Variants in TMEM123 observed in about 807,000 individuals in gnomAD.
TMEM123 encodes the protein porimin.
A neutral mutation model predicts 19.7 loss-of-function variants in TMEM123; 16 were observed. The observed-to-expected ratio is 0.81, with a 90% CI of 0.55 to 1.23. The LOEUF (loss-of-function observed/expected upper bound fraction) is 1.23. TMEM123 is among the 50% of genes most tolerant of loss of function. The pLI, the probability that TMEM123 is intolerant of heterozygous loss-of-function variation, is 0.00. For synonymous variants in TMEM123, 118 were observed against 99.4 expected, an observed-to-expected ratio of 1.19 and a Z score of -1.12; for missense variants, 313 against 257.8, an observed-to-expected ratio of 1.21 and a Z score of -1.47.
rs1018086992 is a variant in TMEM123, at chr11:102,426,440, A to G, written c.157+22372T>C. On this transcript the variant is annotated intron_variant, in intron 2 of 4. Transcript: ENST00000398136. Reference sequence around the variant, plus strand: ...CCCGCATCACAATTCATTTCCCTCTATATTTATTATCTTTTTTTTTTTTTT... The same window carrying G: ...CCCGCATCACAATTCATTTCCCTCTGTATTTATTATCTTTTTTTTTTTTTT... Among the ~76,000 whole-genome samples the G allele has an allele frequency of 5.3e-5, 8 of 150,782 alleles. 1 individual carries two copies. In the South Asian group the frequency reaches 1.7e-3, roughly 32 times the overall value.
Position 102,452,667 on chromosome 11 carries a change from AGGT to A in TMEM123, c.-47_-45del. ...CGGCAGCCTCGTGGGCTCCCAGCCG[AGGT>A]GGCGGCGGCGAGAGCGGCTCCTCTG... On this transcript the variant is annotated 5_prime_UTR_variant, in exon 1 of 5. Coordinates refer to ENST00000398136, the MANE Select transcript of TMEM123 (RefSeq NM_052932.3). 7.2e-7 allele frequency: 1 copy of A among 1,390,656 alleles called. No homozygotes were observed. The highest frequency in any genetic ancestry group is 9.4e-7 in the Non-Finnish European group (1 of 1,061,064). 86.1% of individuals were successfully genotyped at this position (1,390,656 alleles called of 1,614,324 possible). A position where few individuals can be genotyped will look rare whatever the true frequency, so the allele number is the denominator to read the frequency against.
At chr11:102,407,164 G>A (rs542808045) in intron 2 of TMEM123, among the ~76,000 whole-genome samples, 3 of 152,344 alleles carry the variant, frequency 2.0e-5, no homozygotes, top group East Asian at 1.9e-4. Context: ...AACAGCAGAA[G>A]TGAGGAGAAG....
chr11:102,426,527 T>C (rs1411444154), intron 2 of TMEM123, among the ~76,000 whole-genome samples: 1 of 151,998 alleles, frequency 6.6e-6, no homozygotes, highest in Non-Finnish European at 1.5e-5. Flanking sequence ...CAAGGAGAAC[T>C]GCTTTGAGCT....
chr11:102,432,681 TG>T (rs1857724223), intron 2 of TMEM123, among the ~76,000 whole-genome samples: 2 of 152,224 alleles, frequency 1.3e-5, no homozygotes, highest in African/African-American at 4.8e-5. Flanking sequence ...ATGGGGAAAA[TG>T]TCTCCAGGGC....
chr11:102,428,301 CATTTT>C (rs1378190590), intron 2 of TMEM123, among the ~76,000 whole-genome samples: 5 of 151,830 alleles, frequency 3.3e-5, no homozygotes, highest in African/African-American at 7.3e-5. Context: ...TAAAAAAAGT[CATTTT>C]ATTTTATTTT....
At chr11:102,409,218 A>G (rs1013154713) in intron 2 of TMEM123, among the ~76,000 whole-genome samples, 2 of 152,194 alleles carry the variant, frequency 1.3e-5, no homozygotes, top group African/African-American at 4.8e-5. Flanking sequence ...CAAAAGTACT[A>G]AGCTATTCAA....
At chr11:102,405,556 T>A (rs1308030210) in intron 2 of TMEM123, among the ~76,000 whole-genome samples, 1 of 152,220 alleles carries the variant, frequency 6.6e-6, no homozygotes, top group African/African-American at 2.4e-5. Context: ...TTAAAAATGC[T>A]GAATGGATTC....
rs547750933 is a variant in TMEM123 at position 102,445,285 on chromosome 11, C to A, written c.157+3527G>T. On this transcript the variant is annotated intron_variant, in intron 2 of 4. Coordinates refer to ENST00000398136, the MANE Select transcript of TMEM123 (RefSeq NM_052932.3). ...TATGAATTCTTTAGTTAGAAAAATT[C>A]TTTTCTACATCCAATCTCTAGTTAA... Among the ~76,000 whole-genome samples the A allele has an allele frequency of 3.3e-5, 5 of 152,298 alleles. 1 individual carries two copies. In the South Asian group the frequency reaches 1.0e-3, roughly 32 times the overall value.
chr11:102,424,380 T>G (rs1439947111), intron 2 of TMEM123, among the ~76,000 whole-genome samples: 1 of 152,166 alleles, frequency 6.6e-6, no homozygotes, highest in Non-Finnish European at 1.5e-5. Flanking sequence ...TACTGCCATT[T>G]TACAGATTTG....
rs769776606 is a variant in TMEM123, at chr11:102,398,822, T to C, written c.*45A>G. 16 of 1,592,078 alleles carry C rather than the reference T, an allele frequency of 1.0e-5. No individual in the cohort carries two copies. The Admixed American group carries it at 2.9e-4, about 29-fold the overall frequency. On this transcript the variant is annotated 3_prime_UTR_variant, in exon 5 of 5. Coordinates refer to ENST00000398136, the MANE Select transcript of TMEM123 (RefSeq NM_052932.3). ...CTATTAATAAACCAAAATTAATTGA[T>C]AGGGCAGCATCAATCTGTATTCCAT...
intron 2 of TMEM123, among the ~76,000 whole-genome samples, chr11:102,414,575 A>C (rs1044555583): frequency 3.3e-5 from 5 of 152,246 alleles, no homozygotes; most frequent in Admixed American, 3.3e-4. Flanking sequence ...ATTTCAACCA[A>C]GAATGTCGTA....
At chr11:102,443,282 C>T (rs998552504) in intron 2 of TMEM123, among the ~76,000 whole-genome samples, 7 of 152,290 alleles carry the variant, frequency 4.6e-5, no homozygotes, top group Admixed American at 2.0e-4. Flanking sequence ...CATCATGCTA[C>T]GTGATTTCAA....
At chr11:102,447,793 G>T (rs760170840) in intron 2 of TMEM123, among the ~76,000 whole-genome samples, 1 of 151,888 alleles carries the variant, frequency 6.6e-6, no homozygotes, top group African/African-American at 2.4e-5. Flanking sequence ...TCCTGACTAC[G>T]TACCACCAGA....
chr11:102,401,120 A>AT (rs538299555), intron 4 of TMEM123, among the ~76,000 whole-genome samples: 193 of 152,014 alleles, frequency 1.3e-3, no homozygotes, highest in Middle Eastern at 6.8e-3. Flanking sequence ...TGTCAGAGGA[A>AT]TTTTTTTTGT....
At position 102,397,336 on chromosome 11, in the gene TMEM123, G is replaced by A. The variant is rs1443469394; in HGVS notation, c.*1531C>T. On this transcript the variant is annotated 3_prime_UTR_variant, in exon 5 of 5. Transcript: ENST00000398136. ...ATTAAATGTAGGTGCATGTTCATTA[G>A]GACATCTGAGCTATTTTTAGGACCT... 1.3e-5 allele frequency: 2 copies of A among 152,154 alleles called. No homozygotes were observed. The highest frequency in any genetic ancestry group is 6.5e-5 in the Admixed American group (1 of 15,268). The allele number at this position is 152,154 out of a possible 1,614,324, so 9.4% of individuals were successfully genotyped here.
At chr11:102,417,574 T>C (rs777899589) in intron 2 of TMEM123, among the ~76,000 whole-genome samples, 5 of 152,070 alleles carry the variant, frequency 3.3e-5, no homozygotes, top group African/African-American at 4.8e-5. Context: ...AAGATGGCCA[T>C]ACTGCCCAAA....
intron 2 of TMEM123, among the ~76,000 whole-genome samples, chr11:102,438,152 CA>C (rs1857785030): frequency 6.6e-6 from 1 of 152,132 alleles, no homozygotes; most frequent in South Asian, 2.1e-4. Context: ...CACCCGGGAT[CA>C]TGCATTCTCC....
At chr11:102,433,571 T>A (rs1857734004) in intron 2 of TMEM123, among the ~76,000 whole-genome samples, 1 of 151,842 alleles carries the variant, frequency 6.6e-6, no homozygotes, top group South Asian at 2.1e-4. Flanking sequence ...TTTTGGACTT[T>A]TGGGTTAATG....
intron 2 of TMEM123, among the ~76,000 whole-genome samples, chr11:102,408,155 A>G (rs1189980371): frequency 6.6e-6 from 1 of 152,202 alleles, no homozygotes; most frequent in Non-Finnish European, 1.5e-5. Context: ...AACTAACATA[A>G]TTACAGGAAA....
Sources: allele counts gnomAD v4.1 joint callset (sites outside exome capture counted in the v4.1 genomes callset), GRCh38; gene constraint gnomAD v4.1.1; transcripts MANE v1.5; gene names NCBI Gene and HGNC (gene_info 2026-07-23, HGNC 2026-07-21).